Variants in MAMDC4 observed in about 807,000 individuals in gnomAD.
The protein encoded by MAMDC4 is MAM domain containing 4, also known as apical endosomal glycoprotein.
MAMDC4 carries 168 observed loss-of-function variants against 153.3 expected under a neutral mutation model. That is an observed-to-expected ratio of 1.10 (90% CI 0.97 to 1.25). The LOEUF is 1.25. Among genes scored for constraint, MAMDC4 ranks in the 50% most tolerant of loss-of-function variants. MAMDC4 has a pLI of 0.00. For missense variants in MAMDC4, 1,701 were observed against 1,542.8 expected (o/e 1.10, Z -1.72); for synonymous variants, 744 against 651.5 (o/e 1.14, Z -2.16).
At position 136,857,085 on chromosome 9, in the gene MAMDC4, C is replaced by CCG. The variant is rs762053379; in HGVS notation, c.1972+44_1972+45insCG. 3.7e-6 allele frequency: 6 copies of CCG among 1,602,836 alleles called. No individual in the cohort carries two copies. The African/African-American group carries it at 8.0e-5, about 21-fold the overall frequency. ...AGGGCAGAGCCTGTGGGGAGGCCCC[C>CCG]GGGGGTTCAGAGTCCCCCGCTCTGA... On this transcript the variant is annotated intron_variant, in intron 16 of 26. Coordinates refer to ENST00000317446, the MANE Select transcript of MAMDC4 (RefSeq NM_206920.3).
At chr9:136,858,688 C>T (rs1380862156) in intron 22 of MAMDC4, 31 bp from the exon 23 acceptor site, 1 of 1,611,208 alleles carries the variant, frequency 6.2e-7, no homozygotes, top group Non-Finnish European at 8.5e-7. Context: ...CTCTGCCCAT[C>T]AGCTGGGCAT....
rs376975797 is a variant in MAMDC4, at chr9:136,855,295, T to C, written c.1239T>C (p.Gly413=). The change falls in exon 11 of 27, where the codon GGT becomes GGC. Residue 413 remains glycine, a synonymous_variant. Coordinates refer to ENST00000317446, the MANE Select transcript of MAMDC4 (RefSeq NM_206920.3). ...AGQTGPGGVV[G]LDDLILSDHC... ...AGACAGGCCCGGGGGGCGTCGTGGG[T>C]CTGGACGACCTCATCCTGTCTGACC... 6 of 1,605,810 alleles carry C rather than the reference T, an allele frequency of 3.7e-6. No homozygotes were observed. Among genetic ancestry groups the C allele is most frequent in the Middle Eastern group, 1.7e-4 (1 of 6,028 alleles).
chr9:136,859,755 C>A, intron 25 of MAMDC4, 131 bp from the exon 26 acceptor site: 1 of 913,536 alleles, frequency 1.1e-6, no homozygotes, highest in Non-Finnish European at 1.6e-6. Context: ...GAACCAATAC[C>A]CTCTGCCTTT....
rs558363523 is a variant in MAMDC4 at position 136,860,543 on chromosome 9, C to A, written c.3373-19C>A. On this transcript the variant is annotated intron_variant, in intron 26 of 26. Coordinates refer to ENST00000317446, the MANE Select transcript of MAMDC4 (RefSeq NM_206920.3). The stretch of plus-strand genomic sequence containing the variant: ...TCTCAGGAAAGAAAGAAAAAAAAAG[C>A]TCCTCTTCCTCCTCCTAGGATGGTG... The A allele has an allele frequency of 4.4e-6, 7 of 1,608,292 alleles. No individual in the cohort carries two copies. In the East Asian group the frequency reaches 8.9e-5, roughly 21 times the overall value.
Position 136,854,476 on chromosome 9 carries a change from T to C in MAMDC4, c.797-63T>C. ...GTGGTTGCCAGGGCCCCCCTGGAGCTGGGGCCATACGGCTTCAGGAAGCAC... is the reference window on the plus strand; with the variant it reads ...GTGGTTGCCAGGGCCCCCCTGGAGCCGGGGCCATACGGCTTCAGGAAGCAC... On this transcript the variant is annotated intron_variant, in intron 7 of 26. Transcript: ENST00000317446. 3 of 1,549,810 alleles carry C rather than the reference T, an allele frequency of 1.9e-6. No individual in the cohort carries two copies. The South Asian group carries it at 3.5e-5, about 18-fold the overall frequency.
chr9:136,859,059 G>A lies in MAMDC4; in HGVS notation c.3011G>A (p.Trp1004Ter). Reference protein sequence around the residue: ...LHSAQGQLAVWGAGGHRRHQW... With the variant: ...LHSAQGQLAV Reference sequence around the variant, plus strand: ...AGTGCTCAGGGCCAGCTGGCTGTGTGGGGCGCAGGCGGGCATCGGCGGCAC... The same window carrying A: ...AGTGCTCAGGGCCAGCTGGCTGTGTAGGGCGCAGGCGGGCATCGGCGGCAC... Residue 1004 changes from tryptophan to a stop codon, truncating the protein, a stop_gained, in exon 24 of 27, where the codon TGG (tryptophan) becomes TAG (stop). Transcript: ENST00000317446. LOFTEE classifies it high-confidence loss of function. The A allele has an allele frequency of 6.4e-7, 1 of 1,557,008 alleles. No homozygotes were observed. Among genetic ancestry groups the A allele is most frequent in the Middle Eastern group, 1.7e-4 (1 of 5,970 alleles).
intron 26 of MAMDC4, 40 bp downstream of exon 26, chr9:136,860,104 C>T (rs781620444): frequency 1.3e-6 from 2 of 1,507,936 alleles, no homozygotes; most frequent in Non-Finnish European, 1.8e-6. Flanking sequence ...AGCCTCTGTG[C>T]TCAGCTGTGA....
At position 136,854,337 on chromosome 9, in the gene MAMDC4, G is replaced by T. The variant is rs138147005; in HGVS notation, c.796+1G>T. On this transcript the variant is annotated splice_donor_variant, in intron 7 of 26. Transcript: ENST00000317446. LOFTEE classifies it high-confidence loss of function. The stretch of plus-strand genomic sequence containing the variant: ...TCTGATGAGAACCCACTCACCTGTG[G>T]TGAGGCCGGAGTGGGGGCCCAGAGT... The T allele has an allele frequency of 6.4e-7, 1 of 1,558,230 alleles. No homozygotes were observed. Among genetic ancestry groups the T allele is most frequent in the Admixed American group, 1.9e-5 (1 of 52,516 alleles).
In MAMDC4 at chr9:136,853,670, G is replaced by A. The variant is rs373333612; in HGVS notation, c.454G>A (p.Asp152Asn). Residue 152 changes from aspartate to asparagine, a missense_variant and splice_region_variant, in exon 4 of 27, where the codon GAT becomes AAT. Asp to Asn is a conservative substitution (Grantham distance 23). Coordinates refer to ENST00000317446, the MANE Select transcript of MAMDC4 (RefSeq NM_206920.3). ...LRLWYHAASG[D>N]VAELRVELTH... The stretch of plus-strand genomic sequence containing the variant: ...GCTCTGGTACCACGCGGCCTCTGGA[G>A]GTGCACCCTGGACCCCCAAGGCTCG... 3 of 1,611,072 alleles carry A rather than the reference G, an allele frequency of 1.9e-6. No individual in the cohort carries two copies. Among genetic ancestry groups the A allele is most frequent in the East Asian group, 2.2e-5 (1 of 44,802 alleles).
intron 12 of MAMDC4, 39 bp from the exon 13 acceptor site, chr9:136,855,693 T>G (rs961192566): frequency 6.4e-7 from 1 of 1,570,534 alleles, no homozygotes; most frequent in African/African-American, 1.3e-5. Context: ...GGCTGAGGAC[T>G]CTGAGGACTC....
rs973434695 is a variant in MAMDC4, at chr9:136,852,743, T to G, written c.46+281T>G. ...CTCTGCCAGCCTTCATCTGCCACCCTTGGACTGGGTGGAGCTTGTGGAGGC... is the reference window on the plus strand; with the variant it reads ...CTCTGCCAGCCTTCATCTGCCACCCGTGGACTGGGTGGAGCTTGTGGAGGC... On this transcript the variant is annotated intron_variant, in intron 1 of 26. Coordinates refer to ENST00000317446, the MANE Select transcript of MAMDC4 (RefSeq NM_206920.3). Among the ~76,000 whole-genome samples the G allele has an allele frequency of 3.6e-4, 55 of 152,292 alleles. 1 individual carries two copies. Among genetic ancestry groups the G allele is most frequent in the African/African-American group, 1.3e-3 (55 of 41,558 alleles).
intron 25 of MAMDC4, chr9:136,859,626 C>T (rs1849057694): frequency 3.4e-6 from 2 of 594,112 alleles, no homozygotes; most frequent in Non-Finnish European, 5.9e-6. Context: ...CCAGCCGGGT[C>T]AGGGCAGCCA....
At chr9:136,858,876 G>A (rs764214964) in intron 23 of MAMDC4, 23 bp downstream of exon 23, 2 of 1,594,838 alleles carry the variant, frequency 1.3e-6, no homozygotes, top group South Asian at 1.1e-5. Flanking sequence ...GGGCCAATGG[G>A]TGCCTGGGCA....
rs755371304 is a variant in MAMDC4 at position 136,858,057 on chromosome 9, G to T, written c.2543G>T (p.Arg848Leu). 3 of 1,529,382 alleles carry T rather than the reference G, an allele frequency of 2.0e-6. No homozygotes were observed. The South Asian group carries it at 3.6e-5, about 18-fold the overall frequency. 94.7% of individuals were successfully genotyped at this position (1,529,382 alleles called of 1,614,324 possible). The change falls in exon 20 of 27, where the codon CGC becomes CTC. Residue 848 changes from arginine (R) to leucine (L), a missense_variant. Transcript: ENST00000317446. ...SLSAHGGLAW[R>L]LGSMDVQAER... ...AGTGCCCACGGCGGGCTTGCCTGGCGCCTGGGCAGCATGGACGTGCAGGCC... is the reference window on the plus strand; with the variant it reads ...AGTGCCCACGGCGGGCTTGCCTGGCTCCTGGGCAGCATGGACGTGCAGGCC...
Position 136,853,879 on chromosome 9 carries a change from C to A in MAMDC4, c.557C>A (p.Thr186Asn). 1 of 1,612,654 alleles carries A rather than the reference C, an allele frequency of 6.2e-7. No homozygotes were observed. Among genetic ancestry groups the A allele is most frequent in the Non-Finnish European group, 8.5e-7 (1 of 1,179,844 alleles). ...WGPGWQELAV[T>N]TGRIRGDFRV... The stretch of plus-strand genomic sequence containing the variant: ...CCTGGCTGGCAGGAGTTGGCAGTGA[C>A]CACAGGCCGCATCCGGGGTGACTTC... Residue 186 changes from threonine to asparagine, a missense_variant, in exon 5 of 27, where the codon ACC becomes AAC. Physicochemically the swap from Thr to Asn is moderately conservative, Grantham distance 65. Coordinates refer to ENST00000317446, the MANE Select transcript of MAMDC4 (RefSeq NM_206920.3).
intron 11 of MAMDC4, 33 bp from the exon 12 acceptor site, chr9:136,855,398 C>A: frequency 6.2e-7 from 1 of 1,603,582 alleles, no homozygotes; most frequent in Non-Finnish European, 8.5e-7. Context: ...CACTCCCCAT[C>A]CCTGCCTCCT....
intron 14 of MAMDC4, chr9:136,856,356 T>C (rs751472521): frequency 3.2e-6 from 3 of 937,766 alleles, no homozygotes; most frequent in African/African-American, 3.2e-5. Context: ...AAGGTCCTTC[T>C]AGGGGCCCGC....
At chr9:136,852,824 C>G (rs1052702380) in intron 1 of MAMDC4, among the ~76,000 whole-genome samples, 9 of 152,196 alleles carry the variant, frequency 5.9e-5, no homozygotes, top group African/African-American at 2.2e-4. Context: ...TGCCCAGTTC[C>G]CTGCTGGGCA....
intron 13 of MAMDC4, 76 bp downstream of exon 13, chr9:136,855,924 C>G: frequency 6.6e-7 from 1 of 1,524,338 alleles, no homozygotes; most frequent in Non-Finnish European, 8.8e-7. Context: ...TGCTCTGCCT[C>G]TGCACTACAG....
Sources: allele counts gnomAD v4.1 joint callset (sites outside exome capture counted in the v4.1 genomes callset), GRCh38; gene constraint gnomAD v4.1.1; transcripts MANE v1.5; gene names NCBI Gene and HGNC (gene_info 2026-07-23, HGNC 2026-07-21).